GNB1: variants seen among roughly 807,000 people sequenced by gnomAD.
The protein encoded by GNB1 is guanine nucleotide-binding protein G(I)/G(S)/G(T) subunit beta-1.
GNB1 carries 2 observed loss-of-function variants against 42.9 expected under a neutral mutation model. The observed-to-expected ratio is 0.05, with a 90% CI of 0.02 to 0.15. The LOEUF (loss-of-function observed/expected upper bound fraction) is 0.15. Ranked by LOEUF, GNB1 falls within the 10% of genes least tolerant of loss-of-function variation. The pLI, the probability that GNB1 is intolerant of heterozygous loss-of-function variation, is 1.00. For missense variants in GNB1, 193 were observed against 462.2 expected (o/e 0.42, Z 5.34); for synonymous variants, 183 against 174.7 (o/e 1.05, Z -0.38).
intron 7 of GNB1, among the ~76,000 whole-genome samples, chr1:1,801,794 T>C (rs1646630042): frequency 6.6e-6 from 1 of 152,058 alleles, no homozygotes. Context: ...GAAATATAAA[T>C]GTGCAAAAGC....
intron 3 of GNB1, among the ~76,000 whole-genome samples, chr1:1,821,852 T>C (rs1646934105): frequency 6.6e-6 from 1 of 152,164 alleles, no homozygotes; most frequent in African/African-American, 2.4e-5. Context: ...TAGATAAAAT[T>C]TGTTGGGCCA....
chr1:1,880,488 C>G, intron 1 of GNB1, among the ~76,000 whole-genome samples: 1 of 151,886 alleles, frequency 6.6e-6, no homozygotes, highest in South Asian at 2.1e-4. Flanking sequence ...CTCGGAGAGG[C>G]CGAGGCAGAA....
intron 1 of GNB1, among the ~76,000 whole-genome samples, chr1:1,856,263 C>G (rs1193920851): frequency 1.3e-5 from 2 of 152,122 alleles, no homozygotes; most frequent in African/African-American, 4.8e-5. Context: ...CTCAAGTGAT[C>G]CTCCTGCCAC....
chr1:1,837,023 A>G (rs1037321054), intron 2 of GNB1, among the ~76,000 whole-genome samples: 3 of 152,040 alleles, frequency 2.0e-5, no homozygotes, highest in Admixed American at 1.3e-4. Context: ...TATTCTGGAT[A>G]CAAGTCATCT....
rs1246909397 is a variant in GNB1, at chr1:1,857,913, T to C, written c.-95-18675A>G. ...CCATAACAACATACCGTAATAAAAG[T>C]TATGGGAATGTGGTCTCTCTCGTAC... On this transcript the variant is annotated intron_variant, in intron 1 of 11. Coordinates refer to ENST00000378609, the MANE Select transcript of GNB1 (RefSeq NM_002074.5). 2.0e-5 allele frequency among the ~76,000 whole-genome samples: 3 copies of C among 152,004 alleles called. 1 individual carries two copies. In the South Asian group the frequency reaches 6.2e-4, roughly 32 times the overall value.
chr1:1,840,727 C>G (rs1647220449), intron 1 of GNB1, among the ~76,000 whole-genome samples: 1 of 152,236 alleles, frequency 6.6e-6, no homozygotes, highest in Non-Finnish European at 1.5e-5. Context: ...CCCTCTGTCC[C>G]TCTCCTGCTG....
chr1:1,792,037 C>G (rs754331559), intron 8 of GNB1, among the ~76,000 whole-genome samples: 12 of 151,986 alleles, frequency 7.9e-5, no homozygotes, highest in Non-Finnish European at 1.5e-4. Context: ...ACAGCTCCTG[C>G]CACCAAATCA....
At chr1:1,840,441 T>C (rs1008583059) in intron 1 of GNB1, among the ~76,000 whole-genome samples, 2 of 152,192 alleles carry the variant, frequency 1.3e-5, no homozygotes, top group African/African-American at 2.4e-5. Context: ...GGCAGGAGAA[T>C]TGCTTGAACA....
At chr1:1,818,811 C>T (rs987152907) in intron 3 of GNB1, among the ~76,000 whole-genome samples, 1 of 151,846 alleles carries the variant, frequency 6.6e-6, no homozygotes, top group African/African-American at 2.4e-5. Flanking sequence ...TGCAGGGAGC[C>T]GAGACTGCGC....
chr1:1,815,019 G>A (rs1646833395), intron 5 of GNB1, among the ~76,000 whole-genome samples: 1 of 151,566 alleles, frequency 6.6e-6, no homozygotes, highest in African/African-American at 2.4e-5. Flanking sequence ...GGGTGAGGCA[G>A]GAGAATGGCG....
intron 1 of GNB1, among the ~76,000 whole-genome samples, chr1:1,851,491 G>C (rs1321716372): frequency 6.6e-6 from 1 of 151,616 alleles, no homozygotes; most frequent in Non-Finnish European, 1.5e-5. Flanking sequence ...TGAGGCAGGA[G>C]AATCGCTTGA....
rs1646740651 is a variant in GNB1, at chr1:1,809,028, G to T, written c.204-2490C>A. On this transcript the variant is annotated intron_variant, in intron 5 of 11. Coordinates refer to ENST00000378609, the MANE Select transcript of GNB1 (RefSeq NM_002074.5). The stretch of plus-strand genomic sequence containing the variant: ...CTGGAGTAACGCTCTCTCAAGTTTT[G>T]TTGATAACTCTGACACTTTTAATAT... Among the ~76,000 whole-genome samples the T allele has an allele frequency of 2.0e-5, 3 of 152,106 alleles. No individual in the cohort carries two copies. In the South Asian group the frequency reaches 6.2e-4, roughly 31 times the overall value.
chr1:1,828,140 G>A (rs963943060), intron 2 of GNB1, among the ~76,000 whole-genome samples: 2 of 152,116 alleles, frequency 1.3e-5, no homozygotes, highest in African/African-American at 4.8e-5. Context: ...GGTTAACATG[G>A]AGAAACCCCA....
At chr1:1,877,312 A>AT (rs1386155194) in intron 1 of GNB1, among the ~76,000 whole-genome samples, 2,427 of 139,200 alleles carry the variant, frequency 0.017, 28 homozygotes, top group South Asian at 0.052. Context: ...AAAAAAAAAA[A>AT]AAAAATATAT....
intron 1 of GNB1, among the ~76,000 whole-genome samples, chr1:1,874,198 C>T (rs1199805613): frequency 6.6e-6 from 1 of 152,086 alleles, no homozygotes; most frequent in Non-Finnish European, 1.5e-5. Context: ...TGGCCAGGTG[C>T]GGTGGCTCAC....
intron 2 of GNB1, among the ~76,000 whole-genome samples, chr1:1,830,741 C>T (rs1647064686): frequency 1.3e-5 from 2 of 151,966 alleles, no homozygotes; most frequent in Non-Finnish European, 2.9e-5. Flanking sequence ...GAGACGAGGC[C>T]TTGCTATGTT....
chr1:1,880,835 T>C (rs543361649), intron 1 of GNB1, among the ~76,000 whole-genome samples: 6 of 152,234 alleles, frequency 3.9e-5, no homozygotes, highest in African/African-American at 1.2e-4. Context: ...ATTTACTGTG[T>C]ACCGTTTTAG....
intron 5 of GNB1, among the ~76,000 whole-genome samples, chr1:1,808,794 CCA>C (rs1646736995): frequency 6.6e-6 from 1 of 152,110 alleles, no homozygotes; most frequent in African/African-American, 2.4e-5. Context: ...CAGGTACGTG[CCA>C]CCACACCTGG....
At chr1:1,831,283 G>C (rs1647072162) in intron 2 of GNB1, among the ~76,000 whole-genome samples, 1 of 152,098 alleles carries the variant, frequency 6.6e-6, no homozygotes, top group Non-Finnish European at 1.5e-5. Flanking sequence ...GCTGCAGTGA[G>C]CTATGATAGC....
Sources: allele counts gnomAD v4.1 joint callset (sites outside exome capture counted in the v4.1 genomes callset), GRCh38; gene constraint gnomAD v4.1.1; transcripts MANE v1.5; gene names NCBI Gene and HGNC (gene_info 2026-07-23, HGNC 2026-07-21).